MARK3: variants seen among roughly 807,000 people sequenced by gnomAD.
MARK3 encodes MAP/microtubule affinity-regulating kinase 3.
A neutral mutation model predicts 90.1 loss-of-function variants in MARK3; 46 were observed. That is an observed-to-expected ratio of 0.51 (90% CI 0.40 to 0.65). The LOEUF (loss-of-function observed/expected upper bound fraction) is 0.65, where lower values mean the gene tolerates loss of function less well. Among genes scored for constraint, MARK3 ranks in the 30% least tolerant of loss-of-function variants. The probability of loss-of-function intolerance (pLI) is 0.00; values close to 1 mark genes in which losing one functional copy is unlikely to be tolerated. For missense variants in MARK3, 818 were observed against 947.2 expected, an observed-to-expected ratio of 0.86 and a Z score of 1.79; for synonymous variants, 321 against 332.6, an observed-to-expected ratio of 0.97 and a Z score of 0.38.
chr14:103,486,606 G>T (rs2093933838), intron 14 of MARK3, among the ~76,000 whole-genome samples: 1 of 151,914 alleles, frequency 6.6e-6, no homozygotes, highest in Non-Finnish European at 1.5e-5. Flanking sequence ...CTTTTCTGGG[G>T]GGAAATATTA....
intron 14 of MARK3, among the ~76,000 whole-genome samples, chr14:103,484,041 G>A (rs2093875313): frequency 1.3e-5 from 2 of 152,166 alleles, no homozygotes; most frequent in Non-Finnish European, 2.9e-5. Context: ...ACATAGCAGA[G>A]ACACTCTGCT....
intron 2 of MARK3, among the ~76,000 whole-genome samples, chr14:103,411,369 A>G (rs1043120538): frequency 3.9e-5 from 6 of 152,208 alleles, no homozygotes; most frequent in African/African-American, 1.2e-4. Flanking sequence ...TGTGGTATGT[A>G]TTTGGGAAGA....
chr14:103,446,710 C>CTTTTTTTTTTTTTT (rs746523547), intron 3 of MARK3, among the ~76,000 whole-genome samples: 2 of 98,052 alleles, frequency 2.0e-5, no homozygotes, highest in African/African-American at 5.3e-5. Flanking sequence ...AGATTGTTGT[C>CTTTTTTTTTTTTTT]TTTTTTTTTT....
chr14:103,432,199 A>G (rs919185087), intron 3 of MARK3, among the ~76,000 whole-genome samples: 4 of 152,234 alleles, frequency 2.6e-5, no homozygotes, highest in Admixed American at 6.5e-5. Flanking sequence ...ACCCAGTAGT[A>G]AAGCATTTTT....
At chr14:103,438,727 C>G (rs560400017) in intron 3 of MARK3, among the ~76,000 whole-genome samples, 4 of 151,714 alleles carry the variant, frequency 2.6e-5, no homozygotes, top group Admixed American at 6.5e-5. Flanking sequence ...GGCATGGTGG[C>G]TCAAGCCTGT....
intron 15 of MARK3, among the ~76,000 whole-genome samples, chr14:103,493,643 G>A (rs539295085): frequency 3.9e-5 from 6 of 152,170 alleles, no homozygotes; most frequent in Non-Finnish European, 8.8e-5. Context: ...GGGAGGCCAA[G>A]GCGGGTGGAT....
At position 103,465,701 on chromosome 14, in the gene MARK3, T is replaced by TA. The variant is rs751426162; in HGVS notation, c.686dup (p.Tyr229Ter). 1 of 1,614,162 alleles carries TA rather than the reference T, an allele frequency of 6.2e-7. No individual in the cohort carries two copies. Among genetic ancestry groups the TA allele is most frequent in the Admixed American group, 1.7e-5 (1 of 60,010 alleles). The change falls in exon 8 of 18, where the codon TAT becomes TAAT. Residue 229 changes from tyrosine to a stop codon, truncating the protein, a stop_gained and frameshift_variant. Transcript: ENST00000429436. LOFTEE classifies it high-confidence loss of function. ...AAPELFQGKKYDGPEVDVWSL... is the reference protein window; with the variant it reads ...AAPELFQGKK Reference sequence around the variant, plus strand: ...ACCTGAGCTCTTCCAGGGCAAGAAATATGACGGGCCAGAAGTGGATGTGTG... The same window carrying TA: ...ACCTGAGCTCTTCCAGGGCAAGAAATAATGACGGGCCAGAAGTGGATGTGTG...
intron 2 of MARK3, chr14:103,412,871 T>C (rs962318585): frequency 2.2e-5 from 7 of 318,104 alleles, no homozygotes; most frequent in Middle Eastern, 1.1e-3. Flanking sequence ...TCTTTCTTTT[T>C]TTTCTTTCTT....
At chr14:103,488,119 G>A (rs1031661875) in intron 14 of MARK3, among the ~76,000 whole-genome samples, 1 of 151,972 alleles carries the variant, frequency 6.6e-6, no homozygotes, top group South Asian at 2.1e-4. Flanking sequence ...AGAAACAACC[G>A]AGCATTTCTT....
intron 12 of MARK3, among the ~76,000 whole-genome samples, chr14:103,471,993 G>T (rs912443251): frequency 1.3e-5 from 2 of 152,028 alleles, no homozygotes; most frequent in African/African-American, 2.4e-5. Flanking sequence ...GGTGGATCAC[G>T]AGGTCAGGAG....
chr14:103,452,926 G>T (rs1008523095), intron 5 of MARK3, among the ~76,000 whole-genome samples: 1 of 152,178 alleles, frequency 6.6e-6, no homozygotes, highest in African/African-American at 2.4e-5. Flanking sequence ...TTTATCTTGA[G>T]TATGTGGCTA....
chr14:103,393,212 C>T (rs577020807), intron 1 of MARK3, among the ~76,000 whole-genome samples: 1 of 152,116 alleles, frequency 6.6e-6, no homozygotes, highest in Non-Finnish European at 1.5e-5. Flanking sequence ...GAACTCCTGA[C>T]CTCATGATCC....
chr14:103,480,538 A>T, intron 14 of MARK3, 48 bp downstream of exon 14: 1 of 1,122,786 alleles, frequency 8.9e-7, no homozygotes, highest in Non-Finnish European at 1.3e-6. Flanking sequence ...TCCCAAGAGA[A>T]ATGGAAGCAT....
intron 3 of MARK3, among the ~76,000 whole-genome samples, chr14:103,442,479 C>G (rs960994902): frequency 6.6e-6 from 1 of 151,930 alleles, no homozygotes; most frequent in Non-Finnish European, 1.5e-5. Flanking sequence ...ATAACTATTC[C>G]AATGTGTGAT....
chr14:103,498,141 C>T (rs938147230), intron 15 of MARK3, among the ~76,000 whole-genome samples: 2 of 151,858 alleles, frequency 1.3e-5, no homozygotes, highest in Non-Finnish European at 1.5e-5. Context: ...TGCTTCAACC[C>T]GGGAGGCATA....
chr14:103,451,961 A>G lies in MARK3; in HGVS notation c.390A>G (p.Leu130=). 1 of 1,611,622 alleles carries G rather than the reference A, an allele frequency of 6.2e-7. No individual in the cohort carries two copies. Among genetic ancestry groups the G allele is most frequent in the Non-Finnish European group, 8.5e-7 (1 of 1,178,376 alleles). ...TTGAAACTGAAAAAACACTCTACCTAATCATGGAATATGCAAGTGGAGGTA... is the reference window on the plus strand; with the variant it reads ...TTGAAACTGAAAAAACACTCTACCTGATCATGGAATATGCAAGTGGAGGTA... ...EVIETEKTLY[L]IMEYASGGEV... Residue 130 remains leucine (L), a synonymous_variant, in exon 5 of 18, where the codon CTA becomes CTG. Transcript: ENST00000429436.
At chr14:103,430,444 G>A (rs1281567775) in intron 3 of MARK3, among the ~76,000 whole-genome samples, 1 of 135,198 alleles carries the variant, frequency 7.4e-6, no homozygotes, top group Non-Finnish European at 1.5e-5. Flanking sequence ...CCCCTTTGCA[G>A]TCATTCTTGC....
At position 103,448,897 on chromosome 14, in the gene MARK3, TTTTG is replaced by T. The variant is rs548916951; in HGVS notation, c.298-14_298-11del. On this transcript the variant is annotated intron_variant, in intron 3 of 17. Coordinates refer to ENST00000429436, the MANE Select transcript of MARK3 (RefSeq NM_001128918.3). ...TAACTTGTGTTGGGGGGATTATGTG[TTTTG>T]TTTGTTTTTTTTTTTAGCTCTTCAG... 2.8e-4 allele frequency: 430 copies of T among 1,547,418 alleles called. 1 individual carries two copies. In the African/African-American group the frequency reaches 5.3e-3, roughly 19 times the overall value.
intron 1 of MARK3, chr14:103,386,281 G>C: frequency 1.4e-6 from 1 of 707,958 alleles, no homozygotes; most frequent in Non-Finnish European, 2.6e-6. Context: ...GGTCTGCGAA[G>C]TACATCGATT....
Sources: allele counts gnomAD v4.1 joint callset (sites outside exome capture counted in the v4.1 genomes callset), GRCh38; gene constraint gnomAD v4.1.1; transcripts MANE v1.5; gene names NCBI Gene and HGNC (gene_info 2026-07-23, HGNC 2026-07-21).